ZNF23: variants seen among roughly 807,000 people sequenced by gnomAD.
ZNF23 encodes kruppel-like zinc finger factor X31.
A neutral mutation model predicts 56.2 loss-of-function variants in ZNF23; 48 were observed. That is an observed-to-expected ratio of 0.85 (90% CI 0.68 to 1.09). The LOEUF is 1.09. Ranked by LOEUF, ZNF23 falls within the 50% of genes least tolerant of loss-of-function variation. The pLI, the probability that ZNF23 is intolerant of heterozygous loss-of-function variation, is 0.00. For synonymous variants in ZNF23, 266 were observed against 283.3 expected, an observed-to-expected ratio of 0.94 and a Z score of 0.61; for missense variants, 805 against 811.4, an observed-to-expected ratio of 0.99 and a Z score of 0.10.
intron 4 of ZNF23, 45 bp downstream of exon 4, chr16:71,453,198 A>C: frequency 6.9e-7 from 1 of 1,444,824 alleles, no homozygotes. Flanking sequence ...CTTTATGCCT[A>C]AAGTGCTAAA....
At chr16:71,453,532 T>C in intron 3 of ZNF23, 182 bp from the exon 4 acceptor site, 2 of 551,330 alleles carry the variant, frequency 3.6e-6, no homozygotes, top group Non-Finnish European at 6.4e-6. Context: ...CCTTGGAGAC[T>C]TCCAAGGGCT....
rs752270348 is a variant in ZNF23, at chr16:71,448,519, C to A, written c.1635G>T (p.Lys545Asn). 2 of 1,613,934 alleles carry A rather than the reference C, an allele frequency of 1.2e-6. No homozygotes were observed. Among genetic ancestry groups the A allele is most frequent in the Non-Finnish European group, 1.7e-6 (2 of 1,180,016 alleles). Residue 545 changes from lysine to asparagine, a missense_variant, in exon 5 of 5, where the codon AAG becomes AAT. Physicochemically the swap from Lys to Asn is moderately conservative, Grantham distance 94. Transcript: ENST00000647773. ...LDHHRIHTGE[K>N]PYQCKECGKA... ...TCCCACATTCCTTACATTGATAGGG[C>A]TTTTCTCCAGTATGGATTCGGTGAT... is the stretch of plus-strand genomic sequence containing the variant.
At chr16:71,456,590 C>T (rs2043241347) in intron 2 of ZNF23, 174 bp downstream of exon 2, 1 of 569,508 alleles carries the variant, frequency 1.8e-6, no homozygotes. Context: ...CTCCCGCTTC[C>T]TCCACTCGCT....
At position 71,455,286 on chromosome 16, in the gene ZNF23, G is replaced by C. The variant is rs377251535; in HGVS notation, c.34-1118C>G. Among the ~76,000 whole-genome samples, 44 of 152,282 alleles carry C rather than the reference G, an allele frequency of 2.9e-4. 1 individual carries two copies. Among genetic ancestry groups the C allele is most frequent in the African/African-American group, 1.1e-3 (44 of 41,548 alleles). ...TCACCCTCACAAGAAACCTCAGCCA[G>C]AAACCTGGGGATTGTTCTTGACTTC... On this transcript the variant is annotated intron_variant, in intron 2 of 4. Transcript: ENST00000647773.
At chr16:71,450,311 T>C (rs2043009870) in intron 4 of ZNF23, 1 of 162,994 alleles carries the variant, frequency 6.1e-6, no homozygotes. Flanking sequence ...GTTGAATAGG[T>C]GTCAATATTA....
rs749837463 is a variant in ZNF23, at chr16:71,448,713, G to A, written c.1441C>T (p.His481Tyr). The change falls in exon 5 of 5, where the codon CAT becomes TAT. Residue 481 changes from histidine to tyrosine, a missense_variant. Physicochemically the swap from His to Tyr is moderately conservative, Grantham distance 83 (BLOSUM62 2). Coordinates refer to ENST00000647773, the MANE Select transcript of ZNF23 (RefSeq NM_001381984.1). ...AFRCNSQFRQ[H>Y]LRIHTGEKPY... is the part of the protein sequence containing the mutation. ...TTCTCCCCAGTGTGAATTCTCAGATGCTGCCGAAATTGGGAGTTACATCTG... is the reference window on the plus strand; with the variant it reads ...TTCTCCCCAGTGTGAATTCTCAGATACTGCCGAAATTGGGAGTTACATCTG... The A allele has an allele frequency of 1.2e-6, 2 of 1,614,188 alleles. No homozygotes were observed. The highest frequency in any genetic ancestry group is 1.7e-6 in the Non-Finnish European group (2 of 1,180,036).
intron 1 of ZNF23, among the ~76,000 whole-genome samples, chr16:71,460,697 T>C (rs573557139): frequency 6.6e-6 from 1 of 152,236 alleles, no homozygotes; most frequent in Non-Finnish European, 1.5e-5. Context: ...ACGAAGATAC[T>C]AATTAGTATA....
chr16:71,451,347 G>T (rs2050145639), intron 4 of ZNF23: 1 of 151,890 alleles, frequency 6.6e-6, no homozygotes, highest in Non-Finnish European at 1.5e-5. Flanking sequence ...CCCTCCAATT[G>T]CCTGGATTCC....
rs2042945556 is a variant in ZNF23 at position 71,448,876 on chromosome 16, C to T, written c.1278G>A (p.Gln426=). The T allele has an allele frequency of 6.8e-6, 11 of 1,614,094 alleles. No homozygotes were observed. In the South Asian group the frequency reaches 1.2e-4, roughly 18 times the overall value. The change falls in exon 5 of 5, where the codon CAG becomes CAA. Residue 426 remains glutamine, a synonymous_variant. Transcript: ENST00000647773. The part of the protein sequence containing the change: ...FNNNTKLIQH[Q]RIHTGEKPYE... ...AGGGTTTCTCACCTGTGTGGATTCT[C>T]TGATGCTGAATGAGTTTTGTATTAT...
At chr16:71,461,819 G>A (rs991245576) in intron 1 of ZNF23, 7 of 152,282 alleles carry the variant, frequency 4.6e-5, no homozygotes, top group Non-Finnish European at 1.0e-4. Context: ...GATGCACATA[G>A]GTTAATGTTC....
Position 71,448,515 on chromosome 16 carries a change from A to G in ZNF23, c.1639T>C (p.Tyr547His). 1.9e-6 allele frequency: 3 copies of G among 1,614,180 alleles called. No homozygotes were observed. Among genetic ancestry groups the G allele is most frequent in the Non-Finnish European group, 2.5e-6 (3 of 1,180,030 alleles). ...GCTTTCCCACATTCCTTACATTGAT[A>G]GGGCTTTTCTCCAGTATGGATTCGG... ...HHRIHTGEKP[Y>H]QCKECGKAFS... The change falls in exon 5 of 5, where the codon TAT (tyrosine) becomes CAT (histidine). Residue 547 changes from tyrosine to histidine, a missense_variant. Tyr to His is a moderately conservative substitution (Grantham distance 83, BLOSUM62 2). Transcript: ENST00000647773.
chr16:71,453,678 T>C, intron 3 of ZNF23: 2 of 469,798 alleles, frequency 4.3e-6, no homozygotes, highest in South Asian at 5.8e-5. Flanking sequence ...TACCACTTTT[T>C]GACCTTGGCC....
intron 2 of ZNF23, among the ~76,000 whole-genome samples, chr16:71,454,493 C>T (rs971106347): frequency 2.0e-5 from 3 of 152,146 alleles, no homozygotes; most frequent in Non-Finnish European, 4.4e-5. Context: ...CCAGCAAACT[C>T]GGGGCTGATC....
chr16:71,461,449 A>AT (rs1371322994), intron 1 of ZNF23, among the ~76,000 whole-genome samples: 3 of 152,216 alleles, frequency 2.0e-5, no homozygotes, highest in African/African-American at 4.8e-5. Context: ...GGAAAACAGT[A>AT]TTTTGACTAA....
intron 2 of ZNF23, among the ~76,000 whole-genome samples, chr16:71,455,612 C>T (rs1316753510): frequency 1.3e-5 from 2 of 152,172 alleles, no homozygotes; most frequent in Non-Finnish European, 2.9e-5. Flanking sequence ...CCACCTCAGC[C>T]TCGCAAAGTG....
At chr16:71,453,187 G>A in intron 4 of ZNF23, 56 bp downstream of exon 4, 1 of 1,310,454 alleles carries the variant, frequency 7.6e-7, no homozygotes, top group East Asian at 2.5e-5. Context: ...GCTAAAGCTG[G>A]CTTTATGCCT....
intron 3 of ZNF23, 89 bp from the exon 4 acceptor site, chr16:71,453,439 G>T: frequency 9.8e-7 from 1 of 1,022,440 alleles, no homozygotes; most frequent in Non-Finnish European, 1.5e-6. Flanking sequence ...CTCAGCAATG[G>T]GGAGGGAAGG....
At chr16:71,459,866 T>C (rs927474653) in intron 1 of ZNF23, among the ~76,000 whole-genome samples, 3 of 152,218 alleles carry the variant, frequency 2.0e-5, no homozygotes, top group Non-Finnish European at 4.4e-5. Flanking sequence ...TAAAAAAATA[T>C]ATTATCTGGT....
At position 71,456,226 on chromosome 16, in the gene ZNF23, A is replaced by G. The variant is rs1395033155; in HGVS notation, c.33+538T>C. On this transcript the variant is annotated intron_variant, in intron 2 of 4. Coordinates refer to ENST00000647773, the MANE Select transcript of ZNF23 (RefSeq NM_001381984.1). Reference sequence around the variant, plus strand: ...GGTGGAAAGCTCTTCTCAGAGACCTAAAGTCTGCATCCTAAACTTTGAAAG... The same window carrying G: ...GGTGGAAAGCTCTTCTCAGAGACCTGAAGTCTGCATCCTAAACTTTGAAAG... 5 of 359,364 alleles carry G rather than the reference A, an allele frequency of 1.4e-5. No homozygotes were observed. The East Asian group carries it at 3.1e-4, about 23-fold the overall frequency. The allele number at this position is 359,364 out of a possible 1,614,324, so 22.3% of individuals were successfully genotyped here.
Sources: allele counts gnomAD v4.1 joint callset (sites outside exome capture counted in the v4.1 genomes callset), GRCh38; gene constraint gnomAD v4.1.1; transcripts MANE v1.5; gene names NCBI Gene and HGNC (gene_info 2026-07-23, HGNC 2026-07-21).